LRRC7: variants seen among roughly 807,000 people sequenced by gnomAD.
LRRC7 encodes leucine-rich repeat-containing protein 7.
In LRRC7, 23 loss-of-function variants were observed where a neutral mutation model predicts 175.7. The observed-to-expected ratio is 0.13, with a 90% CI of 0.09 to 0.19. LRRC7 has a LOEUF of 0.19. Ranked by LOEUF, LRRC7 falls within the 10% of genes least tolerant of loss-of-function variation. The pLI, the probability that LRRC7 is intolerant of heterozygous loss-of-function variation, is 1.00. For synonymous variants in LRRC7, 685 were observed against 680.9 expected (o/e 1.01, Z -0.09); for missense variants, 1,354 against 1,904.7 (o/e 0.71, Z 5.38).
intron 6 of LRRC7, 63 bp downstream of exon 6, chr1:69,834,932 C>A: frequency 8.0e-7 from 1 of 1,256,806 alleles, no homozygotes; most frequent in Non-Finnish European, 1.2e-6. Context: ...TTTACCAGTG[C>A]CAGTTGATGA....
chr1:69,729,586 A>G (rs995445665), intron 2 of LRRC7, among the ~76,000 whole-genome samples: 1 of 152,180 alleles, frequency 6.6e-6, no homozygotes, highest in African/African-American at 2.4e-5. Context: ...GGTCAGGCTG[A>G]TGATGCAAGA....
At chr1:69,696,204 C>T (rs968124128) in intron 2 of LRRC7, among the ~76,000 whole-genome samples, 1 of 152,176 alleles carries the variant, frequency 6.6e-6, no homozygotes, top group Non-Finnish European at 1.5e-5. Context: ...TGGGAGCCTG[C>T]CCAGCACAAC....
intron 11 of LRRC7, among the ~76,000 whole-genome samples, chr1:70,003,964 T>C (rs1486629159): frequency 6.6e-6 from 1 of 152,220 alleles, no homozygotes; most frequent in African/African-American, 2.4e-5. Flanking sequence ...TTTTCTCCAA[T>C]AATCTAACGT....
intron 10 of LRRC7, among the ~76,000 whole-genome samples, chr1:69,992,194 C>A (rs1173246070): frequency 6.6e-6 from 1 of 151,970 alleles, no homozygotes; most frequent in African/African-American, 2.4e-5. Context: ...TTATTATAAT[C>A]TTAGATTTGA....
At chr1:69,638,169 A>T (rs549675042) in intron 1 of LRRC7, among the ~76,000 whole-genome samples, 1 of 152,036 alleles carries the variant, frequency 6.6e-6, no homozygotes, top group South Asian at 2.1e-4. Context: ...CACTGTCTCA[A>T]TGTTGCTTAA....
chr1:69,735,547 T>C (rs1557664073), intron 2 of LRRC7, among the ~76,000 whole-genome samples: 12 of 152,126 alleles, frequency 7.9e-5, no homozygotes, highest in Admixed American at 5.2e-4. Flanking sequence ...GACCACTTAG[T>C]GGAGGTGATG....
intron 7 of LRRC7, among the ~76,000 whole-genome samples, chr1:69,841,737 C>T (rs901354977): frequency 3.3e-5 from 5 of 152,040 alleles, no homozygotes; most frequent in African/African-American, 4.8e-5. Flanking sequence ...TTGGTCACTG[C>T]GGACTCTCCA....
chr1:69,848,268 G>A (rs1260816518), intron 7 of LRRC7, among the ~76,000 whole-genome samples: 1 of 151,984 alleles, frequency 6.6e-6, no homozygotes, highest in African/African-American at 2.4e-5. Context: ...AGCTGAAGCT[G>A]TAACTCCATG....
In LRRC7 at chr1:69,611,976, AAATT is replaced by A. The variant is rs1311056749; in HGVS notation, c.2+43340_2+43343del. Among the ~76,000 whole-genome samples the A allele has an allele frequency of 4.6e-5, 7 of 152,200 alleles. No individual in the cohort carries two copies. In the East Asian group the frequency reaches 1.4e-3, roughly 29 times the overall value. The stretch of plus-strand genomic sequence containing the variant: ...GTCACAAGCATTGATTTTGAGGTAC[AAATT>A]AATTCTTGCCAGTAGGAAGCTACAT... On this transcript the variant is annotated intron_variant, in intron 1 of 26. Transcript: ENST00000651989.
At chr1:69,625,880 C>T (rs888432814) in intron 1 of LRRC7, among the ~76,000 whole-genome samples, 11 of 152,064 alleles carry the variant, frequency 7.2e-5, no homozygotes, top group Non-Finnish European at 4.4e-5. Flanking sequence ...TCGTATGTTC[C>T]ATGTGTATTT....
At chr1:69,744,070 A>AG (rs1002562717) in intron 2 of LRRC7, among the ~76,000 whole-genome samples, 2 of 151,210 alleles carry the variant, frequency 1.3e-5, no homozygotes, top group African/African-American at 4.9e-5. Flanking sequence ...AGAGGCAAGC[A>AG]GAAAAAAAAT....
At chr1:69,774,269 T>C (rs1488604835) in intron 3 of LRRC7, among the ~76,000 whole-genome samples, 1 of 152,216 alleles carries the variant, frequency 6.6e-6, no homozygotes, top group Non-Finnish European at 1.5e-5. Context: ...AATGTAGACC[T>C]ACCAATTTAT....
intron 1 of LRRC7, among the ~76,000 whole-genome samples, chr1:69,603,539 T>A (rs1647166610): frequency 6.6e-6 from 1 of 152,206 alleles, no homozygotes; most frequent in Non-Finnish European, 1.5e-5. Flanking sequence ...TATTAACTTG[T>A]ATTACTGAAG....
chr1:69,875,939 T>C (rs1221734996), intron 7 of LRRC7, among the ~76,000 whole-genome samples: 1 of 152,042 alleles, frequency 6.6e-6, no homozygotes, highest in Non-Finnish European at 1.5e-5. Flanking sequence ...TGGCTACCCA[T>C]TCTGTACGAT....
At chr1:69,690,024 T>A (rs1281965814) in intron 2 of LRRC7, among the ~76,000 whole-genome samples, 1 of 152,208 alleles carries the variant, frequency 6.6e-6, no homozygotes, top group Non-Finnish European at 1.5e-5. Flanking sequence ...GCATTTTAGT[T>A]ATATGTAGAT....
intron 2 of LRRC7, among the ~76,000 whole-genome samples, chr1:69,688,645 T>TTTA (rs111722010): frequency 0.055 from 8,083 of 148,274 alleles, 279 homozygotes; most frequent in East Asian, 0.15. Context: ...TTTTTTTTTT[T>TTTA]AAAAAAAACC....
intron 24 of LRRC7, among the ~76,000 whole-genome samples, chr1:70,084,245 A>G (rs1025762369): frequency 1.3e-5 from 2 of 152,168 alleles, no homozygotes; most frequent in African/African-American, 4.8e-5. Flanking sequence ...CAGTTGTGTA[A>G]CTATCACTAT....
chr1:69,645,941 C>G (rs1654946083), intron 1 of LRRC7, among the ~76,000 whole-genome samples: 1 of 152,000 alleles, frequency 6.6e-6, no homozygotes, highest in Non-Finnish European at 1.5e-5. Context: ...GCAAATTCCT[C>G]AAGGTCAAAG....
rs1015622884 is a variant in LRRC7, at chr1:70,126,353, A to G, written c.*4466A>G. On this transcript the variant is annotated 3_prime_UTR_variant, in exon 27 of 27. Coordinates refer to ENST00000651989, the MANE Select transcript of LRRC7 (RefSeq NM_001370785.2). ...TAAGAAGATGGGTCCTTTATCTAGT[A>G]TAAAGAAAAGCGGGGTTGAAGTTCC... Among the ~76,000 whole-genome samples, 5 of 152,070 alleles carry G rather than the reference A, an allele frequency of 3.3e-5. No individual in the cohort carries two copies. Among genetic ancestry groups the G allele is most frequent in the Non-Finnish European group, 5.9e-5 (4 of 68,010 alleles).
Sources: gnomAD v4.1 joint callset for allele counts (sites outside exome capture counted in the v4.1 genomes callset) on GRCh38, gnomAD v4.1.1 for gene constraint, MANE v1.5 for transcripts, NCBI Gene and HGNC (gene_info 2026-07-23, HGNC 2026-07-21) for gene names.